PGAP1: variants seen among roughly 807,000 people sequenced by gnomAD.
PGAP1 encodes GPI inositol-deacylase.
In PGAP1, 76 loss-of-function variants were observed where a neutral mutation model predicts 127.0. The observed-to-expected ratio is 0.60, with a 90% confidence interval of 0.50 to 0.72. The LOEUF is 0.72. PGAP1 is among the 30% of genes least tolerant of loss of function. The pLI, the probability that PGAP1 is intolerant of heterozygous loss-of-function variation, is 0.00. For synonymous variants in PGAP1, 362 were observed against 366.5 expected (o/e 0.99, Z 0.14); for missense variants, 982 against 1,071.3 (o/e 0.92, Z 1.16).
intron 14 of PGAP1, chr2:196,873,984 G>A: frequency 2.6e-6 from 1 of 390,858 alleles, no homozygotes; most frequent in Non-Finnish European, 4.6e-6. Flanking sequence ...AAAAAGTCAG[G>A]TATATAATTC....
At chr2:196,848,666 A>C (rs1288557661) in intron 20 of PGAP1, among the ~76,000 whole-genome samples, 1 of 152,072 alleles carries the variant, frequency 6.6e-6, no homozygotes, top group Non-Finnish European at 1.5e-5. Context: ...CTTTTATTCC[A>C]TTGTATGATT....
chr2:196,920,176 CTTTAATCAG>C (rs1703142816), intron 1 of PGAP1, 26 bp from the exon 2 acceptor site: 2 of 1,585,414 alleles, frequency 1.3e-6, no homozygotes, highest in Admixed American at 1.8e-5. Context: ...AGTAGTTTCA[CTTTAATCAG>C]TTTTATTAAT....
chr2:196,839,508 G>T lies in PGAP1; in HGVS notation c.*1726C>A, dbSNP rs972191729. The stretch of plus-strand genomic sequence containing the variant: ...CTCTCAAACAAACAAGCACCTGTCT[G>T]CCATATCCCCACCACGAGTTTATCA... On this transcript the variant is annotated 3_prime_UTR_variant, in exon 27 of 27. Coordinates refer to ENST00000354764, the MANE Select transcript of PGAP1 (RefSeq NM_024989.4). The T allele has an allele frequency of 6.6e-6, 1 of 152,150 alleles. No homozygotes were observed. Among genetic ancestry groups the T allele is most frequent in the Non-Finnish European group, 1.5e-5 (1 of 68,044 alleles). The allele number at this position is 152,150 out of a possible 1,614,324, so 9.4% of individuals were successfully genotyped here. A position where few individuals can be genotyped will look rare whatever the true frequency, so the allele number is the denominator to read the frequency against.
At chr2:196,926,136 G>A (rs986299416) in intron 1 of PGAP1, among the ~76,000 whole-genome samples, 2 of 152,262 alleles carry the variant, frequency 1.3e-5, no homozygotes, top group Admixed American at 6.5e-5. Flanking sequence ...CTGGGCATGA[G>A]GGGGGCTGGG....
At chr2:196,863,181 T>C (rs1701122203) in intron 20 of PGAP1, among the ~76,000 whole-genome samples, 1 of 152,124 alleles carries the variant, frequency 6.6e-6, no homozygotes, top group African/African-American at 2.4e-5. Context: ...AAACTACAAA[T>C]AGATCTGCCA....
intron 20 of PGAP1, among the ~76,000 whole-genome samples, chr2:196,864,501 T>C (rs1338402570): frequency 6.6e-6 from 1 of 151,534 alleles, no homozygotes; most frequent in East Asian, 1.9e-4. Context: ...ACGTCATAAA[T>C]ACTAGCAAAT....
intron 5 of PGAP1, among the ~76,000 whole-genome samples, chr2:196,900,740 A>G (rs2125825925): frequency 6.6e-6 from 1 of 152,272 alleles, no homozygotes; most frequent in African/African-American, 2.4e-5. Flanking sequence ...CCTGGCTAAC[A>G]TGGTGAAACC....
intron 3 of PGAP1, 57 bp downstream of exon 3, chr2:196,916,361 T>G: frequency 7.0e-7 from 1 of 1,425,418 alleles, no homozygotes; most frequent in Non-Finnish European, 9.3e-7. Context: ...CTGAATCCCT[T>G]TTTTAAAAAG....
intron 12 of PGAP1, among the ~76,000 whole-genome samples, chr2:196,882,608 G>T: frequency 6.6e-6 from 1 of 151,408 alleles, no homozygotes; most frequent in African/African-American, 2.4e-5. Flanking sequence ...TTCTTTTTTT[G>T]GCAATATTGG....
chr2:196,876,894 A>G (rs942871997), intron 13 of PGAP1, among the ~76,000 whole-genome samples: 1 of 152,012 alleles, frequency 6.6e-6, no homozygotes, highest in African/African-American at 2.4e-5. Flanking sequence ...CCCTCCTTAC[A>G]AGGCAAAGAA....
intron 13 of PGAP1, among the ~76,000 whole-genome samples, chr2:196,878,893 T>A (rs958007162): frequency 3.9e-4 from 60 of 152,324 alleles, no homozygotes; most frequent in African/African-American, 1.3e-3. Flanking sequence ...ATGATGTCAC[T>A]ATTGAGCATC....
chr2:196,841,479 T>G (rs1700411327), intron 26 of PGAP1, 107 bp from the exon 27 acceptor site: 2 of 831,796 alleles, frequency 2.4e-6, no homozygotes, highest in African/African-American at 3.5e-5. Flanking sequence ...CTAAGTGAAT[T>G]TAAATGAATT....
chr2:196,926,646 C>G lies in PGAP1; in HGVS notation c.-30G>C. 6.2e-7 allele frequency: 1 copy of G among 1,613,164 alleles called. No individual in the cohort carries two copies. The highest frequency in any genetic ancestry group is 2.2e-5 in the East Asian group (1 of 44,864). On this transcript the variant is annotated 5_prime_UTR_variant, in exon 1 of 27. Coordinates refer to ENST00000354764, the MANE Select transcript of PGAP1 (RefSeq NM_024989.4). The stretch of plus-strand genomic sequence containing the variant: ...CCGCCACCACCGCCGCCGCCGCCGC[C>G]GCCCCCTCTACCTCCTTCTCCGCCG...
At chr2:196,900,241 G>A (rs1702440434) in intron 5 of PGAP1, among the ~76,000 whole-genome samples, 1 of 152,216 alleles carries the variant, frequency 6.6e-6, no homozygotes, top group Non-Finnish European at 1.5e-5. Flanking sequence ...GGAACCTCTT[G>A]GAAAACCACC....
chr2:196,890,179 C>T (rs988653614), intron 10 of PGAP1, among the ~76,000 whole-genome samples: 1 of 152,132 alleles, frequency 6.6e-6, no homozygotes, highest in Non-Finnish European at 1.5e-5. Flanking sequence ...AAATGATCCA[C>T]CCACCTCAGC....
At chr2:196,849,073 A>T (rs566296402) in intron 20 of PGAP1, among the ~76,000 whole-genome samples, 1 of 152,270 alleles carries the variant, frequency 6.6e-6, no homozygotes, top group East Asian at 1.9e-4. Flanking sequence ...GGCTGGATAC[A>T]TAATCCAGTA....
chr2:196,842,970 T>G (rs578037100), intron 25 of PGAP1, 145 bp from the exon 26 acceptor site: 1 of 380,966 alleles, frequency 2.6e-6, no homozygotes, highest in East Asian at 4.0e-5. Flanking sequence ...AAATATCTGA[T>G]AAATAATTTT....
intron 14 of PGAP1, 115 bp downstream of exon 14, chr2:196,875,631 T>A (rs1173776792): frequency 4.6e-6 from 3 of 651,124 alleles, no homozygotes; most frequent in Non-Finnish European, 8.3e-6. Context: ...ATCATATAGT[T>A]ATTCTAAGAA....
intron 14 of PGAP1, 154 bp from the exon 15 acceptor site, chr2:196,873,912 C>T: frequency 1.9e-6 from 1 of 533,456 alleles, no homozygotes; most frequent in Non-Finnish European, 3.3e-6. Flanking sequence ...AATCTAATCT[C>T]CCAGCAATAA....
Sources: allele counts gnomAD v4.1 joint callset (sites outside exome capture counted in the v4.1 genomes callset), GRCh38; gene constraint gnomAD v4.1.1; transcripts MANE v1.5; gene names NCBI Gene and HGNC (gene_info 2026-07-23, HGNC 2026-07-21).